ADAM23: variants seen among roughly 807,000 people sequenced by gnomAD.
ADAM23 encodes the protein disintegrin and metalloproteinase domain-containing protein 23.
In ADAM23, 33 loss-of-function variants were observed where a neutral mutation model predicts 120.1. The observed-to-expected ratio is 0.27, with a 90% CI of 0.21 to 0.37. The LOEUF is 0.37. Among genes scored for constraint, ADAM23 ranks in the 10% least tolerant of loss-of-function variants. ADAM23 has a pLI of 1.00. For synonymous variants in ADAM23, 367 were observed against 375.2 expected, an observed-to-expected ratio of 0.98 and a Z score of 0.25; for missense variants, 862 against 1,058.2, an observed-to-expected ratio of 0.81 and a Z score of 2.57.
In ADAM23 at chr2:206,543,296, C is replaced by T. The variant is rs1697330868; in HGVS notation, c.700C>T (p.Leu234=). Residue 234 remains leucine, a synonymous_variant, in exon 6 of 26, where the codon CTA becomes TTA. Coordinates refer to ENST00000264377, the MANE Select transcript of ADAM23 (RefSeq NM_003812.4). ...TACCTTCGTGTATATGATAGAGCCA[C>T]TAGAGCTGGTTCATGATGAGGTGAG... ...DDTFVYMIEP[L]ELVHDEKSTG... 6.2e-7 allele frequency: 1 copy of T among 1,613,936 alleles called. No homozygotes were observed. Among genetic ancestry groups the T allele is most frequent in the Non-Finnish European group, 8.5e-7 (1 of 1,179,962 alleles).
chr2:206,552,902 A>C (rs935296470), intron 9 of ADAM23, among the ~76,000 whole-genome samples: 1 of 151,790 alleles, frequency 6.6e-6, no homozygotes, highest in Non-Finnish European at 1.5e-5. Context: ...TCCTGGACTC[A>C]AGTGATCTGT....
At chr2:206,502,358 T>G (rs971401302) in intron 3 of ADAM23, among the ~76,000 whole-genome samples, 1 of 152,158 alleles carries the variant, frequency 6.6e-6, no homozygotes, top group Non-Finnish European at 1.5e-5. Flanking sequence ...CTTCTGTGTT[T>G]ATGGATTTAA....
At chr2:206,560,211 G>C in intron 11 of ADAM23, 93 bp downstream of exon 11, 1 of 1,339,758 alleles carries the variant, frequency 7.5e-7, no homozygotes, top group Non-Finnish European at 1.0e-6. Context: ...TCAGAAAATA[G>C]TGACTTGAAC....
chr2:206,581,565 T>A (rs1418215398), intron 18 of ADAM23, among the ~76,000 whole-genome samples: 2 of 152,216 alleles, frequency 1.3e-5, no homozygotes, highest in Admixed American at 6.5e-5. Context: ...CCAGTTTTAT[T>A]CCACTGTGAT....
At chr2:206,471,916 T>G (rs1474079355) in intron 2 of ADAM23, among the ~76,000 whole-genome samples, 3 of 152,254 alleles carry the variant, frequency 2.0e-5, no homozygotes, top group African/African-American at 7.2e-5. Flanking sequence ...ACTGCTGTAG[T>G]GATACTTGTG....
intron 22 of ADAM23, among the ~76,000 whole-genome samples, chr2:206,593,703 G>C (rs1184366634): frequency 1.3e-5 from 2 of 151,998 alleles, no homozygotes; most frequent in Admixed American, 6.5e-5. Context: ...CATGCCTTTA[G>C]ATAAAATAGC....
At chr2:206,538,327 T>C (rs972728083) in intron 4 of ADAM23, among the ~76,000 whole-genome samples, 3 of 152,210 alleles carry the variant, frequency 2.0e-5, no homozygotes, top group Admixed American at 2.0e-4. Flanking sequence ...CCATTATAGA[T>C]ATCTTTTTCT....
intron 3 of ADAM23, among the ~76,000 whole-genome samples, chr2:206,490,787 C>T (rs1696117421): frequency 6.6e-6 from 1 of 152,094 alleles, no homozygotes. Flanking sequence ...CATATTTTCT[C>T]TGATCAGGGT....
chr2:206,521,746 A>G (rs1386381095), intron 3 of ADAM23, among the ~76,000 whole-genome samples: 4 of 152,216 alleles, frequency 2.6e-5, no homozygotes, highest in Non-Finnish European at 4.4e-5. Flanking sequence ...GCTCTCACCT[A>G]CATCATGCAT....
chr2:206,477,897 A>AAAAAAATATATATATAT lies in ADAM23; in HGVS notation c.433-3334_433-3333insAAAAATATATATATATA, dbSNP rs374524658. 8.5e-5 allele frequency among the ~76,000 whole-genome samples: 8 copies of AAAAAAATATATATATAT among 93,574 alleles called. No individual in the cohort carries two copies. In the East Asian group the frequency reaches 1.0e-3, roughly 12 times the overall value. The allele number at this position is 93,574 out of a possible 152,430, so 61.4% of individuals were successfully genotyped here. On this transcript the variant is annotated intron_variant, in intron 2 of 25. Coordinates refer to ENST00000264377, the MANE Select transcript of ADAM23 (RefSeq NM_003812.4). ...TATTCTGTTAAAAAAAAAAAAAAAA[A>AAAAAAATATATATATAT]ATATATATATATATATATATATATA... is the stretch of plus-strand genomic sequence containing the variant.
At chr2:206,546,390 T>G (rs1697398766) in intron 6 of ADAM23, among the ~76,000 whole-genome samples, 1 of 152,176 alleles carries the variant, frequency 6.6e-6, no homozygotes, top group Non-Finnish European at 1.5e-5. Context: ...TTGCGATAAG[T>G]CAAGTAATAC....
chr2:206,614,492 TAAAAATACA>T (rs1232717005), intron 25 of ADAM23, among the ~76,000 whole-genome samples: 1 of 151,834 alleles, frequency 6.6e-6, no homozygotes, highest in African/African-American at 2.4e-5. Context: ...CTGTCTCTAC[TAAAAATACA>T]AAAATTAACC....
intron 3 of ADAM23, among the ~76,000 whole-genome samples, chr2:206,488,338 A>G (rs1042404161): frequency 6.6e-6 from 1 of 152,206 alleles, no homozygotes; most frequent in East Asian, 1.9e-4. Context: ...TAGTGTTAAA[A>G]CATGATAGAA....
At chr2:206,465,793 G>A (rs1695531315) in intron 2 of ADAM23, among the ~76,000 whole-genome samples, 1 of 152,078 alleles carries the variant, frequency 6.6e-6, no homozygotes, top group Non-Finnish European at 1.5e-5. Flanking sequence ...GCTGTCATTT[G>A]GTGACTTAAG....
intron 3 of ADAM23, among the ~76,000 whole-genome samples, chr2:206,483,023 C>T (rs2105879282): frequency 6.6e-6 from 1 of 152,230 alleles, no homozygotes; most frequent in East Asian, 1.9e-4. Context: ...GACAGCTCAG[C>T]TCATGGAAGT....
intron 15 of ADAM23, among the ~76,000 whole-genome samples, chr2:206,568,340 A>G (rs1697930552): frequency 6.6e-6 from 1 of 152,202 alleles, no homozygotes; most frequent in South Asian, 2.1e-4. Flanking sequence ...CTTAATTCAG[A>G]AAACTGAAAA....
At chr2:206,466,100 C>T (rs1695537241) in intron 2 of ADAM23, among the ~76,000 whole-genome samples, 1 of 152,076 alleles carries the variant, frequency 6.6e-6, no homozygotes, top group Admixed American at 6.5e-5. Flanking sequence ...AAAGTAGTGA[C>T]ATGTTTGAAA....
At chr2:206,475,707 C>T (rs1248077145) in intron 2 of ADAM23, among the ~76,000 whole-genome samples, 1 of 151,938 alleles carries the variant, frequency 6.6e-6, no homozygotes, top group African/African-American at 2.4e-5. Context: ...GAATTTTCCT[C>T]CTCCCATCTT....
intron 24 of ADAM23, among the ~76,000 whole-genome samples, chr2:206,598,634 C>T (rs990001279): frequency 1.3e-5 from 2 of 152,148 alleles, no homozygotes; most frequent in Non-Finnish European, 1.5e-5. Flanking sequence ...CTCAGTGGTT[C>T]GCGCCTGTAA....
Sources: gnomAD v4.1 joint callset for allele counts (sites outside exome capture counted in the v4.1 genomes callset) on GRCh38, gnomAD v4.1.1 for gene constraint, MANE v1.5 for transcripts, NCBI Gene and HGNC (gene_info 2026-07-23, HGNC 2026-07-21) for gene names.